The following CCDC88C variants were observed in gnomAD, a reference collection of about 807,000 sequenced individuals.
The protein encoded by CCDC88C is protein Daple.
A neutral mutation model predicts 198.8 loss-of-function variants in CCDC88C; 131 were observed. That is an observed-to-expected ratio of 0.66 (90% CI 0.57 to 0.76). The LOEUF (loss-of-function observed/expected upper bound fraction) is 0.76. Ranked by LOEUF, CCDC88C falls within the 30% of genes least tolerant of loss-of-function variation. CCDC88C has a pLI of 0.00. For synonymous variants in CCDC88C, 1,166 were observed against 1,114.7 expected (o/e 1.05, Z -0.92); for missense variants, 2,553 against 2,631.6 (o/e 0.97, Z 0.65).
intron 16 of CCDC88C, among the ~76,000 whole-genome samples, chr14:91,309,573 A>G (rs906045838): frequency 1.3e-5 from 2 of 148,876 alleles, no homozygotes; most frequent in East Asian, 2.0e-4. Flanking sequence ...TCATAATACT[A>G]CACTCCAGCC....
chr14:91,417,137 T>C (rs1364121135), intron 1 of CCDC88C: 6 of 702,924 alleles, frequency 8.5e-6, no homozygotes, highest in Non-Finnish European at 1.3e-5. Flanking sequence ...ACGTCTCAAA[T>C]CCATTGTAAA....
At chr14:91,324,732 G>C (rs771813531) in intron 12 of CCDC88C, 47 bp downstream of exon 12, 4 of 1,600,300 alleles carry the variant, frequency 2.5e-6, no homozygotes, top group Non-Finnish European at 3.4e-6. Context: ...CCTGGAGGCA[G>C]CGGCGGCCAC....
chr14:91,286,004 G>A (rs1324534853), intron 25 of CCDC88C, among the ~76,000 whole-genome samples: 5 of 152,160 alleles, frequency 3.3e-5, no homozygotes, highest in South Asian at 2.1e-4. Flanking sequence ...CTCAAGAACA[G>A]AATCAGGGCT....
chr14:91,365,305 G>GGGACCA (rs1894484510), intron 3 of CCDC88C, among the ~76,000 whole-genome samples: 1 of 152,210 alleles, frequency 6.6e-6, no homozygotes, highest in South Asian at 2.1e-4. Context: ...GAAGCAGGTA[G>GGGACCA]GGACCAGGAC....
chr14:91,285,349 C>A, intron 25 of CCDC88C: 1 of 437,498 alleles, frequency 2.3e-6, no homozygotes, highest in South Asian at 1.6e-5. Flanking sequence ...AAAACATAAG[C>A]TCGCAGGTGC....
At chr14:91,307,872 GGA>G (rs139232150) in intron 17 of CCDC88C, among the ~76,000 whole-genome samples, 2 of 152,364 alleles carry the variant, frequency 1.3e-5, no homozygotes, top group East Asian at 3.9e-4. Context: ...GTGCATATGT[GGA>G]GAGTGTGTAT....
chr14:91,406,106 C>A (rs755888086), intron 3 of CCDC88C, among the ~76,000 whole-genome samples: 1 of 152,210 alleles, frequency 6.6e-6, no homozygotes, highest in Non-Finnish European at 1.5e-5. Context: ...CACTTCCCAT[C>A]TTCTGGAACT....
At chr14:91,315,418 C>G (rs905506880) in intron 14 of CCDC88C, among the ~76,000 whole-genome samples, 1 of 152,094 alleles carries the variant, frequency 6.6e-6, no homozygotes, top group African/African-American at 2.4e-5. Context: ...CCCGGGGTCA[C>G]GACAATCAAA....
intron 29 of CCDC88C, among the ~76,000 whole-genome samples, chr14:91,275,978 C>T (rs566021550): frequency 0.015 from 2,208 of 151,580 alleles, 32 homozygotes; most frequent in Middle Eastern, 0.021. Flanking sequence ...CGCGCCACCA[C>T]GCCCGGCTAA....
intron 3 of CCDC88C, among the ~76,000 whole-genome samples, chr14:91,401,359 G>C (rs1351424924): frequency 7.8e-6 from 1 of 128,362 alleles, no homozygotes; most frequent in Non-Finnish European, 1.7e-5. Flanking sequence ...TTTTGAGACG[G>C]AGCCTTACTC....
intron 5 of CCDC88C, among the ~76,000 whole-genome samples, chr14:91,342,970 T>A (rs934253241): frequency 1.4e-4 from 21 of 152,266 alleles, no homozygotes; most frequent in African/African-American, 4.3e-4. Context: ...AATAAAACTT[T>A]ATTTGAGAGA....
chr14:91,408,835 C>T (rs1006982371), intron 2 of CCDC88C, 68 bp from the exon 3 acceptor site: 17 of 1,024,570 alleles, frequency 1.7e-5, no homozygotes, highest in Non-Finnish European at 2.3e-5. Flanking sequence ...TTCCCAGCCA[C>T]GACCCAGCAT....
chr14:91,387,974 T>A (rs551496721), intron 3 of CCDC88C, among the ~76,000 whole-genome samples: 1 of 152,084 alleles, frequency 6.6e-6, no homozygotes, highest in Non-Finnish European at 1.5e-5. Flanking sequence ...AAACCCTCAC[T>A]CTACAAGGGG....
At chr14:91,366,072 G>T (rs1894520729) in intron 3 of CCDC88C, among the ~76,000 whole-genome samples, 1 of 151,296 alleles carries the variant, frequency 6.6e-6, no homozygotes, top group Non-Finnish European at 1.5e-5. Context: ...TTCTGTAAAG[G>T]TTCTCACAGA....
intron 29 of CCDC88C, among the ~76,000 whole-genome samples, chr14:91,277,601 C>T (rs1282134396): frequency 6.6e-6 from 1 of 152,178 alleles, no homozygotes; most frequent in Non-Finnish European, 1.5e-5. Flanking sequence ...GCAGGGTAAG[C>T]GGGTACTCAG....
At chr14:91,290,703 C>T (rs747147911) in intron 24 of CCDC88C, among the ~76,000 whole-genome samples, 9 of 152,194 alleles carry the variant, frequency 5.9e-5, no homozygotes, top group Non-Finnish European at 2.9e-5. Flanking sequence ...AAGGCAGCCC[C>T]GCCATCCTGC....
chr14:91,283,356 T>C lies in CCDC88C; in HGVS notation c.4603A>G (p.Ile1535Val), dbSNP rs368026448. The C allele has an allele frequency of 9.3e-6, 15 of 1,613,014 alleles. No homozygotes were observed. The highest frequency in any genetic ancestry group is 1.3e-5 in the African/African-American group (1 of 74,710). ...TTTAPSNSTP[I>V]ARHPGRTKGY... ...TTGGTGCGGCCTGGGTGCCGGGCGATGGGGGTGGAGTTGGAAGGGGCTGTA... is the reference window on the plus strand; with the variant it reads ...TTGGTGCGGCCTGGGTGCCGGGCGACGGGGGTGGAGTTGGAAGGGGCTGTA... Residue 1535 changes from isoleucine (I) to valine (V), a missense_variant, in exon 26 of 30, where the codon ATC becomes GTC. This residue lies in a region of CCDC88C where 1,293 missense variants were observed against 1,219.6 expected (regional missense o/e 1.06). Transcript: ENST00000389857.
chr14:91,321,363 C>T, intron 12 of CCDC88C, 59 bp from the exon 13 acceptor site: 1 of 1,513,050 alleles, frequency 6.6e-7, no homozygotes. Flanking sequence ...CCACTCTCTG[C>T]CCCAAGCTCC....
At chr14:91,337,916 TC>T (rs1893119455) in intron 10 of CCDC88C, 88 bp downstream of exon 10, 2 of 1,526,814 alleles carry the variant, frequency 1.3e-6, no homozygotes, top group African/African-American at 1.4e-5. Context: ...GCTCCGCTCC[TC>T]CAAGCCCCCA....
Sources: gnomAD v4.1 joint callset for allele counts (sites outside exome capture counted in the v4.1 genomes callset) on GRCh38, gnomAD v4.1.1 for gene constraint, gnomAD v4.1.1 regional missense constraint, MANE v1.5 for transcripts, NCBI Gene and HGNC (gene_info 2026-07-23, HGNC 2026-07-21) for gene names.